TOX2: variants seen among roughly 807,000 people sequenced by gnomAD.
TOX2 encodes granulosa cell HMG box 1.
TOX2 carries 15 observed loss-of-function variants against 47.4 expected under a neutral mutation model. The ratio of observed to expected loss-of-function variants is 0.32; its 90% CI spans 0.21 to 0.49. The LOEUF (loss-of-function observed/expected upper bound fraction) is 0.49. TOX2 is among the 20% of genes least tolerant of loss of function. TOX2 has a pLI of 0.99. For missense variants in TOX2, 622 were observed against 673.1 expected, an observed-to-expected ratio of 0.92 and a Z score of 0.84; for synonymous variants, 290 against 296.6, an observed-to-expected ratio of 0.98 and a Z score of 0.23.
chr20:44,021,696 A>G (rs1245139564), intron 3 of TOX2, among the ~76,000 whole-genome samples: 1 of 151,968 alleles, frequency 6.6e-6, no homozygotes, highest in East Asian at 1.9e-4. Flanking sequence ...CGGTGCAATC[A>G]TGGCTCCCTG....
At chr20:43,917,111 G>T (rs2069063791) in intron 1 of TOX2, among the ~76,000 whole-genome samples, 1 of 152,198 alleles carries the variant, frequency 6.6e-6, no homozygotes, top group Non-Finnish European at 1.5e-5. Flanking sequence ...TGAAAGGAAG[G>T]TCTGACTTTG....
At chr20:44,004,691 C>G (rs1390048208) in intron 2 of TOX2, among the ~76,000 whole-genome samples, 1 of 152,208 alleles carries the variant, frequency 6.6e-6, no homozygotes, top group East Asian at 1.9e-4. Flanking sequence ...CCAGCTATCC[C>G]CGCTGCTCAG....
intron 2 of TOX2, among the ~76,000 whole-genome samples, chr20:43,999,861 T>C (rs1455039512): frequency 6.6e-6 from 1 of 152,190 alleles, no homozygotes. Context: ...GGCATAAGGA[T>C]AGACATATAG....
At chr20:43,922,214 C>T (rs1232979129) in intron 1 of TOX2, among the ~76,000 whole-genome samples, 2 of 152,188 alleles carry the variant, frequency 1.3e-5, no homozygotes, top group East Asian at 3.8e-4. Context: ...TGTTTCCCAG[C>T]CTCGGCGCTA....
rs746052327 is a variant in TOX2 at position 44,065,753 on chromosome 20, C to T, written c.1002C>T (p.Asn334=). The T allele has an allele frequency of 4.4e-6, 7 of 1,605,786 alleles. No homozygotes were observed. In the Admixed American group the frequency reaches 1.2e-4, roughly 27 times the overall value. ...GTGAGACCAAGAGCACTCAGGCAAACCCACCAGCCAAAATGCTCCCACCCA... is the reference window on the plus strand; with the variant it reads ...GTGAGACCAAGAGCACTCAGGCAAATCCACCAGCCAAAATGCTCCCACCCA... ...DQGETKSTQA[N]PPAKMLPPKQ... is the part of the protein sequence containing the mutation. The change falls in exon 7 of 9, where the codon AAC becomes AAT. Residue 334 remains asparagine, a synonymous_variant. Transcript: ENST00000341197.
At chr20:44,010,185 C>T (rs1370118721) in intron 3 of TOX2, among the ~76,000 whole-genome samples, 3 of 152,134 alleles carry the variant, frequency 2.0e-5, no homozygotes, top group Non-Finnish European at 4.4e-5. Flanking sequence ...CTGCAGACGC[C>T]CTCAGGTACA....
chr20:43,951,707 G>GTGTTTTTTTTT (rs2069570989), intron 1 of TOX2, among the ~76,000 whole-genome samples: 1 of 55,098 alleles, frequency 1.8e-5, no homozygotes, highest in African/African-American at 5.4e-5. Context: ...AACTTATTAT[G>GTGTTTTTTTTT]TTTTTTTTTT....
intron 1 of TOX2, among the ~76,000 whole-genome samples, chr20:43,951,935 C>T (rs867150211): frequency 5.9e-5 from 9 of 151,698 alleles, no homozygotes; most frequent in African/African-American, 2.2e-4. Context: ...CTCGCTCTGT[C>T]GCCCAAGCTG....
chr20:44,037,645 G>A lies in TOX2; in HGVS notation c.412-13661G>A, dbSNP rs2071261963. On this transcript the variant is annotated intron_variant, in intron 3 of 8. Transcript: ENST00000341197. ...GTGACTCTTCTAGCATGGTTCCTGG[G>A]GTGTAGTGAGCCCTCACTCACTGAA... Among the ~76,000 whole-genome samples the A allele has an allele frequency of 2.0e-5, 3 of 151,842 alleles. No individual in the cohort carries two copies. The South Asian group carries it at 6.2e-4, about 32-fold the overall frequency.
chr20:43,975,673 A>G (rs2070063755), intron 2 of TOX2, among the ~76,000 whole-genome samples: 2 of 152,164 alleles, frequency 1.3e-5, no homozygotes, highest in South Asian at 4.1e-4. Flanking sequence ...GATTCTCATT[A>G]AAATGGCACC....
chr20:44,039,884 G>GC (rs1251639970), intron 3 of TOX2, among the ~76,000 whole-genome samples: 2 of 152,198 alleles, frequency 1.3e-5, no homozygotes, highest in African/African-American at 4.8e-5. Flanking sequence ...ACACCCTCAG[G>GC]CAGGGTGCCG....
chr20:44,026,227 T>TTATATATATATATATA, intron 3 of TOX2, among the ~76,000 whole-genome samples: 3 of 34,086 alleles, frequency 8.8e-5, no homozygotes, highest in Admixed American at 3.9e-4. Context: ...AAAGAAACTG[T>TTATATATATATATATA]GATATATATA....
At chr20:43,930,613 G>GGGGTAT (rs1242016102) in intron 1 of TOX2, among the ~76,000 whole-genome samples, 75 of 152,186 alleles carry the variant, frequency 4.9e-4, no homozygotes, top group Non-Finnish European at 9.0e-4. Context: ...AGTTGCTTGG[G>GGGGTAT]CTGGGGTATC....
intron 3 of TOX2, among the ~76,000 whole-genome samples, chr20:44,018,203 C>A (rs1189265281): frequency 6.6e-6 from 1 of 152,160 alleles, no homozygotes; most frequent in East Asian, 1.9e-4. Flanking sequence ...CGCTGAAATT[C>A]ATAAAACAAT....
At chr20:43,933,737 G>A (rs1360370432) in intron 1 of TOX2, among the ~76,000 whole-genome samples, 1 of 152,160 alleles carries the variant, frequency 6.6e-6, no homozygotes, top group African/African-American at 2.4e-5. Flanking sequence ...ACAGGGAGAG[G>A]TATCATGCCT....
chr20:43,962,678 A>G (rs2069783377), intron 1 of TOX2, among the ~76,000 whole-genome samples: 1 of 151,958 alleles, frequency 6.6e-6, no homozygotes, highest in Non-Finnish European at 1.5e-5. Context: ...TGCAAACCCC[A>G]TTTCTCCCAT....
At chr20:43,953,341 G>A (rs6065676) in intron 1 of TOX2, among the ~76,000 whole-genome samples, 5 of 152,174 alleles carry the variant, frequency 3.3e-5, no homozygotes, top group East Asian at 1.9e-4. Context: ...CATAGAAGCC[G>A]CCTCTGTCTG....
intron 1 of TOX2, among the ~76,000 whole-genome samples, chr20:43,955,735 C>T (rs908239838): frequency 1.3e-5 from 2 of 152,192 alleles, no homozygotes; most frequent in Non-Finnish European, 2.9e-5. Flanking sequence ...GCTTCTCATT[C>T]TAGCCATCAG....
chr20:43,952,351 G>A (rs2069593802), intron 1 of TOX2, among the ~76,000 whole-genome samples: 1 of 152,102 alleles, frequency 6.6e-6, no homozygotes, highest in Non-Finnish European at 1.5e-5. Context: ...ACTTAACTGA[G>A]CATGTTAGGG....
Sources: gnomAD v4.1 joint callset for allele counts (sites outside exome capture counted in the v4.1 genomes callset) on GRCh38, gnomAD v4.1.1 for gene constraint, MANE v1.5 for transcripts, NCBI Gene and HGNC (gene_info 2026-07-23, HGNC 2026-07-21) for gene names.